BRCA2: variants seen among roughly 807,000 people sequenced by gnomAD.
BRCA2 encodes BRCA2 DNA repair associated, also known as breast cancer type 2 susceptibility protein.
A neutral mutation model predicts 276.7 loss-of-function variants in BRCA2; 203 were observed. That is an observed-to-expected ratio of 0.73 (90% CI 0.65 to 0.82). The LOEUF (loss-of-function observed/expected upper bound fraction) is 0.82, where lower values mean the gene tolerates loss of function less well. Among genes scored for constraint, BRCA2 ranks in the 40% least tolerant of loss-of-function variants. The probability of loss-of-function intolerance (pLI) is 0.00; values close to 1 mark genes in which losing one functional copy is unlikely to be tolerated. For synonymous variants in BRCA2, 1,289 were observed against 1,338.4 expected (o/e 0.96, Z 0.81); for missense variants, 3,920 against 3,915.0 (o/e 1.00, Z -0.03).
Position 32,371,075 on chromosome 13 carries a change from T to A in BRCA2, c.8607T>A (p.Ile2869=), listed in dbSNP as rs786201453. The A allele has an allele frequency of 6.2e-7, 1 of 1,614,072 alleles. No homozygotes were observed. The highest frequency in any genetic ancestry group is 2.2e-5 in the East Asian group (1 of 44,870). The part of the protein sequence containing the change: ...QKRLEALFTK[I]QEEFEEHEEN... ...GACTAGAAGCCTTATTCACTAAAATTCAGGAGGAATTTGAAGAACATGAAG... is the reference window on the plus strand; with the variant it reads ...GACTAGAAGCCTTATTCACTAAAATACAGGAGGAATTTGAAGAACATGAAG... Residue 2869 remains isoleucine, a synonymous_variant, in exon 20 of 27, where the codon ATT becomes ATA. Transcript: ENST00000380152.
chr13:32,379,697 T>G (rs2072906062), intron 22 of BRCA2, 53 bp from the exon 23 acceptor site: 1 of 1,573,748 alleles, frequency 6.4e-7, no homozygotes, highest in Admixed American at 1.7e-5. Context: ...GAAACAAACA[T>G]TTAAATGATA....
At position 32,330,981 on chromosome 13, in the gene BRCA2, T is replaced by A. The variant is rs756883537; in HGVS notation, c.744T>A (p.Ala248=). Residue 248 remains alanine (A), a synonymous_variant, in exon 9 of 27, where the codon GCT becomes GCA. Transcript: ENST00000380152. ...TGAAGAAAAATGATAGATTTATCGCTTCTGTGACAGACAGTGAAAACACAA... is the reference window on the plus strand; with the variant it reads ...TGAAGAAAAATGATAGATTTATCGCATCTGTGACAGACAGTGAAAACACAA... The part of the protein sequence containing the change: ...ESLKKNDRFI[A]SVTDSENTNQ... 2.5e-6 allele frequency: 4 copies of A among 1,613,874 alleles called. No homozygotes were observed. The South Asian group carries it at 4.4e-5, about 18-fold the overall frequency.
At chr13:32,326,924 T>G (rs556418095) in intron 7 of BRCA2, among the ~76,000 whole-genome samples, 10 of 152,200 alleles carry the variant, frequency 6.6e-5, no homozygotes, top group Non-Finnish European at 1.0e-4. Context: ...ACTGAATTCT[T>G]TTTACAAATG....
rs80358466 is a variant in BRCA2 at position 32,333,282 on chromosome 13, G to A, written c.1804G>A (p.Gly602Arg). The A allele has an allele frequency of 6.2e-5, 99 of 1,602,592 alleles. No individual in the cohort carries two copies. The highest frequency in any genetic ancestry group is 7.8e-5 in the Non-Finnish European group (92 of 1,176,622). Residue 602 changes from glycine (G) to arginine (R), a missense_variant, in exon 10 of 27, where the codon GGA (glycine) becomes AGA (arginine). Gly to Arg is a moderately radical substitution (Grantham distance 125). Transcript: ENST00000380152. ...TATACATGATGAAACATCTTATAAA[G>A]GAAAAAAAATACCGAAAGACCAAAA... ...YAIHDETSYK[G>R]KKIPKDQKSE...
intron 3 of BRCA2, 24 bp from the exon 4 acceptor site, chr13:32,325,052 C>A (rs2072333531): frequency 1.4e-6 from 2 of 1,459,270 alleles, no homozygotes; most frequent in South Asian, 1.1e-5. Flanking sequence ...TATACATTCT[C>A]ACTGAATTAT....
chr13:32,351,946 C>T lies in BRCA2; in HGVS notation c.7008-2915C>T, dbSNP rs546735265. On this transcript the variant is annotated intron_variant, in intron 13 of 26. Coordinates refer to ENST00000380152, the MANE Select transcript of BRCA2 (RefSeq NM_000059.4). Reference sequence around the variant, plus strand: ...CCTCCCAAGTAGCCGGGATTACAGGCGCGTGCCACCATGCCCGGCTAATTT... The same window carrying T: ...CCTCCCAAGTAGCCGGGATTACAGGTGCGTGCCACCATGCCCGGCTAATTT... 1.6e-3 allele frequency among the ~76,000 whole-genome samples: 250 copies of T among 152,180 alleles called. No individual in the cohort carries two copies. The highest frequency in any genetic ancestry group is 5.5e-3 in the African/African-American group (230 of 41,542).
At chr13:32,381,336 A>T (rs1359919184) in intron 24 of BRCA2, among the ~76,000 whole-genome samples, 1 of 152,200 alleles carries the variant, frequency 6.6e-6, no homozygotes, top group Non-Finnish European at 1.5e-5. Context: ...ATACATGTGT[A>T]TAGTTTTTTT....
In BRCA2 at chr13:32,339,783, G is replaced by A. The variant is rs80358766; in HGVS notation, c.5428G>A (p.Val1810Ile). Residue 1810 changes from valine (V) to isoleucine (I), a missense_variant, in exon 11 of 27, where the codon GTT (valine) becomes ATT (isoleucine). This residue lies in a region of BRCA2 where 3,263 missense variants were observed against 3,156.9 expected (regional missense o/e 1.03). Transcript: ENST00000380152. ...YPQTVNEDIC[V>I]EELVTSSSPC... ...ACAAACTGTAAATGAAGATATTTGC[G>A]TTGAGGAACTTGTGACTAGCTCTTC... 24 of 1,613,814 alleles carry A rather than the reference G, an allele frequency of 1.5e-5. No individual in the cohort carries two copies. Among genetic ancestry groups the A allele is most frequent in the African/African-American group, 5.3e-5 (4 of 75,012 alleles).
In BRCA2 at chr13:32,340,702, A is replaced by T. The variant is rs55953736; in HGVS notation, c.6347A>T (p.His2116Leu). Residue 2116 changes from histidine to leucine, a missense_variant, in exon 11 of 27, where the codon CAC (histidine) becomes CTC (leucine). By Grantham distance (99) the His-to-Leu change is moderately conservative (BLOSUM62 -3). This residue lies in a region of BRCA2 where 3,263 missense variants were observed against 3,156.9 expected (regional missense o/e 1.03). Transcript: ENST00000380152. ...CGTGTTGATAAGAGAAACCCAGAGC[A>T]CTGTGTAAACTCAGAAATGGAAAAA... ...LPRVDKRNPE[H>L]CVNSEMEKTC... The T allele has an allele frequency of 4.3e-6, 7 of 1,609,498 alleles. No individual in the cohort carries two copies. Among genetic ancestry groups the T allele is most frequent in the Non-Finnish European group, 5.9e-6 (7 of 1,179,002 alleles).
intron 25 of BRCA2, among the ~76,000 whole-genome samples, chr13:32,395,786 A>T (rs1245363034): frequency 6.6e-6 from 1 of 152,052 alleles, no homozygotes; most frequent in Non-Finnish European, 1.5e-5. Context: ...TAAAAGCATT[A>T]GAGTAGCTGT....
At position 32,339,989 on chromosome 13, in the gene BRCA2, C is replaced by G. The variant is rs80358784; in HGVS notation, c.5634C>G (p.Asn1878Lys). 4.9e-5 allele frequency: 79 copies of G among 1,611,648 alleles called. No individual in the cohort carries two copies. The highest frequency in any genetic ancestry group is 1.6e-4 in the Middle Eastern group (1 of 6,066). The change falls in exon 11 of 27, where the codon AAC becomes AAG. Residue 1878 changes from asparagine (N) to lysine (K), a missense_variant. Physicochemically the swap from Asn to Lys is moderately conservative, Grantham distance 94. Around this residue, in one of 2 missense-constraint regions of BRCA2, gnomAD observed 3,263 missense variants for 3,156.9 expected, o/e 1.03. Transcript: ENST00000380152. ...TCAGTAAAGTAATTAAGGAAAACAA[C>G]GAGAATAAATCAAAAATTTGCCAAA... The part of the protein sequence containing the change: ...DSFSKVIKEN[N>K]ENKSKICQTK...
At chr13:32,346,493 T>G (rs1476634704) in intron 12 of BRCA2, among the ~76,000 whole-genome samples, 1 of 152,116 alleles carries the variant, frequency 6.6e-6, no homozygotes, top group Non-Finnish European at 1.5e-5. Flanking sequence ...ATGAACAATA[T>G]CTAAAGCTTA....
Position 32,336,654 on chromosome 13 carries a change from A to G in BRCA2, c.2299A>G (p.Ser767Gly), listed in dbSNP as rs750755676. 4 of 1,613,920 alleles carry G rather than the reference A, an allele frequency of 2.5e-6. No homozygotes were observed. The South Asian group carries it at 4.4e-5, about 18-fold the overall frequency. ...KSLLYDHENA[S>G]TLILTPTSKD... ...TCTTTTATATGATCATGAAAATGCC[A>G]GCACTCTTATTTTAACTCCTACTTC... Residue 767 changes from serine to glycine, a missense_variant, in exon 11 of 27, where the codon AGC (serine) becomes GGC (glycine). Physicochemically the swap from Ser to Gly is moderately conservative, Grantham distance 56. This residue lies in a region of BRCA2 where 3,263 missense variants were observed against 3,156.9 expected (regional missense o/e 1.03). Coordinates refer to ENST00000380152, the MANE Select transcript of BRCA2 (RefSeq NM_000059.4).
At chr13:32,321,189 A>G (rs554404983) in intron 3 of BRCA2, among the ~76,000 whole-genome samples, 22 of 152,364 alleles carry the variant, frequency 1.4e-4, no homozygotes, top group Middle Eastern at 3.4e-3. Flanking sequence ...AGAACACAGT[A>G]GTAACAGTCA....
In BRCA2 at chr13:32,340,751, A is replaced by G; in HGVS notation, c.6396A>G (p.Leu2132=). The change falls in exon 11 of 27, where the codon TTA becomes TTG. Residue 2132 remains leucine (L), a synonymous_variant. Transcript: ENST00000380152. ...MEKTCSKEFK[L]SNNLNVEGGS... Reference sequence around the variant, plus strand: ...AAACCTGCAGTAAAGAATTTAAATTATCAAATAACTTAAATGTTGAAGGTG... The same window carrying G: ...AAACCTGCAGTAAAGAATTTAAATTGTCAAATAACTTAAATGTTGAAGGTG... 6.2e-7 allele frequency: 1 copy of G among 1,605,780 alleles called. No individual in the cohort carries two copies. The highest frequency in any genetic ancestry group is 8.5e-7 in the Non-Finnish European group (1 of 1,177,750).
At chr13:32,389,222 C>T (rs1263238591) in intron 24 of BRCA2, among the ~76,000 whole-genome samples, 6 of 152,174 alleles carry the variant, frequency 3.9e-5, no homozygotes, top group Admixed American at 3.3e-4. Context: ...TGACCATATA[C>T]AGACCTTTTT....
intron 10 of BRCA2, among the ~76,000 whole-genome samples, chr13:32,334,760 G>A (rs1373107995): frequency 5.9e-5 from 9 of 151,620 alleles, no homozygotes; most frequent in African/African-American, 2.2e-4. Flanking sequence ...ATGATTTATT[G>A]CTGCTGTTGT....
In BRCA2 at chr13:32,379,997, T is replaced by C. The variant is rs759511200; in HGVS notation, c.9118-10T>C. On this transcript the variant is annotated splice_polypyrimidine_tract_variant and intron_variant, in intron 23 of 26. Coordinates refer to ENST00000380152, the MANE Select transcript of BRCA2 (RefSeq NM_000059.4). ...CTCCATATGTTGAATTTTTGTTTTG[T>C]TTTCTGTAGGTTTCAGATGAAATTT... is the stretch of plus-strand genomic sequence containing the variant. 2 of 1,614,002 alleles carry C rather than the reference T, an allele frequency of 1.2e-6. No homozygotes were observed. Among genetic ancestry groups the C allele is most frequent in the Non-Finnish European group, 1.7e-6 (2 of 1,179,910 alleles).
intron 22 of BRCA2, 71 bp downstream of exon 22, chr13:32,379,586 A>G: frequency 6.4e-7 from 1 of 1,552,918 alleles, no homozygotes; most frequent in Non-Finnish European, 8.8e-7. Flanking sequence ...CAAAATGATT[A>G]TAAATCCAGA....
Sources: allele counts gnomAD v4.1 joint callset (sites outside exome capture counted in the v4.1 genomes callset), GRCh38; gene constraint gnomAD v4.1.1; regional missense constraint gnomAD v4.1.1; transcripts MANE v1.5; gene names NCBI Gene and HGNC (gene_info 2026-07-23, HGNC 2026-07-21).